Variants in ZNF385D observed in about 807,000 individuals in gnomAD.
ZNF385D encodes zinc finger protein 385D.
Under a neutral mutation model 35.8 loss-of-function variants are expected in ZNF385D, and 15 were observed. The ratio of observed to expected loss-of-function variants is 0.42; its 90% CI spans 0.28 to 0.64. The LOEUF (loss-of-function observed/expected upper bound fraction) is 0.64. ZNF385D is among the 30% of genes least tolerant of loss of function. The pLI is 0.23. For missense variants in ZNF385D, 474 were observed against 494.6 expected, an observed-to-expected ratio of 0.96 and a Z score of 0.39; for synonymous variants, 212 against 186.8, an observed-to-expected ratio of 1.13 and a Z score of -1.10.
chr3:22,276,526 A>T (rs1203216311), intron 2 of ZNF385D, among the ~76,000 whole-genome samples: 2 of 152,152 alleles, frequency 1.3e-5, no homozygotes, highest in Admixed American at 1.3e-4. Flanking sequence ...GTGCTAAGAC[A>T]AGTTTTATAC....
At chr3:21,942,984 T>G (rs1006604931) in intron 3 of ZNF385D, among the ~76,000 whole-genome samples, 2 of 152,184 alleles carry the variant, frequency 1.3e-5, no homozygotes, top group African/African-American at 4.8e-5. Context: ...CACTGGAATC[T>G]TCATGACAAT....
At chr3:21,534,683 C>T (rs898578247) in intron 3 of ZNF385D, among the ~76,000 whole-genome samples, 4 of 152,096 alleles carry the variant, frequency 2.6e-5, no homozygotes. Flanking sequence ...TATCTTACAG[C>T]AGCTGTTGGA....
intron 2 of ZNF385D, among the ~76,000 whole-genome samples, chr3:22,182,140 GTTGTC>G (rs1695323487): frequency 6.6e-6 from 1 of 152,130 alleles, no homozygotes; most frequent in Non-Finnish European, 1.5e-5. Context: ...ATAAATGTGT[GTTGTC>G]TTAAGACATA....
At chr3:22,302,464 T>C (rs1224492211) in intron 2 of ZNF385D, among the ~76,000 whole-genome samples, 1 of 151,958 alleles carries the variant, frequency 6.6e-6, no homozygotes, top group Non-Finnish European at 1.5e-5. Context: ...CTCACTGATC[T>C]GTAATTTCCC....
chr3:22,004,563 C>T (rs140831539), intron 3 of ZNF385D, among the ~76,000 whole-genome samples: 15 of 152,210 alleles, frequency 9.9e-5, no homozygotes, highest in African/African-American at 1.9e-4. Context: ...AGAATACAAG[C>T]TGGGAGCTCC....
chr3:22,233,511 G>T (rs868213778), intron 2 of ZNF385D, among the ~76,000 whole-genome samples: 12 of 152,086 alleles, frequency 7.9e-5, no homozygotes, highest in African/African-American at 2.9e-4. Context: ...GTGTATATAG[G>T]AATCAAAGCT....
chr3:22,008,903 G>A (rs951029537), intron 3 of ZNF385D, among the ~76,000 whole-genome samples: 4 of 152,136 alleles, frequency 2.6e-5, no homozygotes, highest in Non-Finnish European at 4.4e-5. Context: ...GAAAATTAAT[G>A]AGAGGCATGT....
chr3:22,106,438 A>G (rs980957938), intron 3 of ZNF385D, among the ~76,000 whole-genome samples: 1 of 152,186 alleles, frequency 6.6e-6, no homozygotes, highest in African/African-American at 2.4e-5. Context: ...TGTCTCATAC[A>G]ATACAGAGTA....
intron 1 of ZNF385D, among the ~76,000 whole-genome samples, chr3:21,736,520 A>T (rs1181556293): frequency 6.6e-6 from 1 of 152,218 alleles, no homozygotes; most frequent in Non-Finnish European, 1.5e-5. Flanking sequence ...ACCTTCAGAG[A>T]TCTTTCAAGG....
chr3:22,211,260 G>C (rs1369138176), intron 2 of ZNF385D, among the ~76,000 whole-genome samples: 1 of 151,828 alleles, frequency 6.6e-6, no homozygotes, highest in Non-Finnish European at 1.5e-5. Context: ...GTTGATGAAT[G>C]AATGAATATT....
intron 2 of ZNF385D, among the ~76,000 whole-genome samples, chr3:22,363,797 T>G (rs1696526776): frequency 6.6e-6 from 1 of 152,118 alleles, no homozygotes; most frequent in African/African-American, 2.4e-5. Context: ...TGCTTCACTT[T>G]TTAAACTTTT....
intron 4 of ZNF385D, among the ~76,000 whole-genome samples, chr3:21,506,966 G>GAGA (rs1484896892): frequency 6.6e-6 from 1 of 151,744 alleles, no homozygotes; most frequent in African/African-American, 2.4e-5. Flanking sequence ...CATAATTAGA[G>GAGA]AAAAAGGCAA....
chr3:22,106,076 T>C (rs1472301570), intron 3 of ZNF385D, among the ~76,000 whole-genome samples: 5 of 152,110 alleles, frequency 3.3e-5, no homozygotes, highest in Non-Finnish European at 7.4e-5. Flanking sequence ...CCTAGGACTC[T>C]GAAACTCTGA....
intron 3 of ZNF385D, among the ~76,000 whole-genome samples, chr3:21,908,164 A>C (rs28602410): frequency 0.05 from 7,461 of 148,792 alleles, 244 homozygotes; most frequent in South Asian, 0.13. Flanking sequence ...CTATCTATCT[A>C]TCTATCTATA....
At chr3:22,000,927 G>A (rs2125414316) in intron 3 of ZNF385D, among the ~76,000 whole-genome samples, 1 of 151,618 alleles carries the variant, frequency 6.6e-6, no homozygotes, top group South Asian at 2.1e-4. Context: ...ACATCAGGAA[G>A]TGTAAGGAAA....
At chr3:21,951,998 C>T (rs1331613795) in intron 3 of ZNF385D, among the ~76,000 whole-genome samples, 2 of 151,554 alleles carry the variant, frequency 1.3e-5, no homozygotes, top group African/African-American at 4.9e-5. Flanking sequence ...TATTTTAGAT[C>T]TTCAGGACCT....
chr3:21,966,626 G>A (rs1366151412), intron 3 of ZNF385D, among the ~76,000 whole-genome samples: 1 of 152,194 alleles, frequency 6.6e-6, no homozygotes, highest in Non-Finnish European at 1.5e-5. Flanking sequence ...CTGTAGCCCA[G>A]GTTGGAGTGC....
At chr3:21,933,697 G>A (rs1473114253) in intron 3 of ZNF385D, among the ~76,000 whole-genome samples, 1 of 152,106 alleles carries the variant, frequency 6.6e-6, no homozygotes, top group Non-Finnish European at 1.5e-5. Context: ...ACCTAAATAT[G>A]ACTCTACCGT....
intron 2 of ZNF385D, chr3:22,372,369 G>C (rs1399550522): frequency 3.3e-6 from 3 of 907,332 alleles, no homozygotes; most frequent in East Asian, 2.4e-4. Flanking sequence ...ATCCCGCAGG[G>C]GCGCAACCCT....
Sources: gnomAD v4.1 joint callset for allele counts (sites outside exome capture counted in the v4.1 genomes callset) on GRCh38, gnomAD v4.1.1 for gene constraint, MANE v1.5 for transcripts, NCBI Gene and HGNC (gene_info 2026-07-23, HGNC 2026-07-21) for gene names.